The following MGAT5 variants were observed in gnomAD, a reference collection of about 807,000 sequenced individuals.
MGAT5 encodes the protein alpha-1,6-mannosylglycoprotein 6-beta-N-acetylglucosaminyltransferase.
A neutral mutation model predicts 94.3 loss-of-function variants in MGAT5; 30 were observed. The ratio of observed to expected loss-of-function variants is 0.32; its 90% CI spans 0.24 to 0.43. The LOEUF (loss-of-function observed/expected upper bound fraction) is 0.43, where lower values mean the gene tolerates loss of function less well. Ranked by LOEUF, MGAT5 falls within the 20% of genes least tolerant of loss-of-function variation. The pLI is 1.00. For missense variants in MGAT5, 691 were observed against 905.5 expected (o/e 0.76, Z 3.04); for synonymous variants, 310 against 322.9 (o/e 0.96, Z 0.43).
intron 1 of MGAT5, among the ~76,000 whole-genome samples, chr2:134,203,282 T>G (rs1398835261): frequency 6.6e-6 from 1 of 152,144 alleles, no homozygotes; most frequent in African/African-American, 2.4e-5. Context: ...CAATGCAGAT[T>G]TTAGTCCCAT....
intron 14 of MGAT5, among the ~76,000 whole-genome samples, chr2:134,430,679 A>G (rs554189141): frequency 6.1e-4 from 92 of 150,130 alleles, no homozygotes; most frequent in African/African-American, 2.1e-3. Flanking sequence ...CCCCCACCAT[A>G]TAGGCCTTTC....
chr2:134,361,240 C>T (rs1015862823), intron 9 of MGAT5, among the ~76,000 whole-genome samples: 1 of 152,188 alleles, frequency 6.6e-6, no homozygotes, highest in South Asian at 2.1e-4. Flanking sequence ...GTGGACTTTT[C>T]AGAATCTTGT....
chr2:134,296,730 GA>G (rs918558003), intron 2 of MGAT5, among the ~76,000 whole-genome samples: 8 of 151,044 alleles, frequency 5.3e-5, no homozygotes, highest in East Asian at 3.9e-4. Context: ...ATTTGATTAG[GA>G]AAAAAAATAT....
intron 1 of MGAT5, among the ~76,000 whole-genome samples, chr2:134,151,705 CCCAT>C (rs1687191750): frequency 1.4e-5 from 2 of 140,444 alleles, no homozygotes; most frequent in African/African-American, 2.8e-5. Context: ...ACCTCACTCA[CCCAT>C]GCCCTGTGGG....
chr2:134,404,881 A>G (rs990445797), intron 11 of MGAT5, among the ~76,000 whole-genome samples: 3 of 152,174 alleles, frequency 2.0e-5, no homozygotes, highest in African/African-American at 4.8e-5. Context: ...TTAGGCTGAC[A>G]TTTCAGAATC....
chr2:134,417,165 A>G (rs1404450493), intron 12 of MGAT5, among the ~76,000 whole-genome samples: 3 of 152,040 alleles, frequency 2.0e-5, no homozygotes, highest in Non-Finnish European at 4.4e-5. Context: ...ACTTGCTAGA[A>G]TTTACTTTTT....
intron 1 of MGAT5, among the ~76,000 whole-genome samples, chr2:134,213,279 T>C (rs945405439): frequency 6.6e-6 from 1 of 152,166 alleles, no homozygotes; most frequent in Non-Finnish European, 1.5e-5. Context: ...TGGACTGGCT[T>C]TGCAAACGTA....
intron 4 of MGAT5, among the ~76,000 whole-genome samples, chr2:134,333,635 G>T (rs1321551509): frequency 6.6e-6 from 1 of 151,996 alleles, no homozygotes; most frequent in Non-Finnish European, 1.5e-5. Flanking sequence ...TTGGGGTCCA[G>T]CTTTATTGGT....
chr2:134,130,659 C>T (rs1010312249), intron 1 of MGAT5, among the ~76,000 whole-genome samples: 1 of 143,550 alleles, frequency 7.0e-6, no homozygotes, highest in African/African-American at 2.5e-5. Context: ...CCAATCAGCA[C>T]TCTGTGTCTA....
At chr2:134,226,888 A>G (rs1483733585) in intron 1 of MGAT5, among the ~76,000 whole-genome samples, 1 of 152,076 alleles carries the variant, frequency 6.6e-6, no homozygotes, top group Non-Finnish European at 1.5e-5. Context: ...TCTGTGGCAA[A>G]TTGGAAAGCC....
chr2:134,365,514 A>C (rs1167242688), intron 10 of MGAT5, among the ~76,000 whole-genome samples: 2 of 152,204 alleles, frequency 1.3e-5, no homozygotes, highest in African/African-American at 4.8e-5. Flanking sequence ...GGCGAGGCGG[A>C]AGCCTTCCAG....
intron 1 of MGAT5, among the ~76,000 whole-genome samples, chr2:134,229,465 A>G (rs558253155): frequency 6.6e-6 from 1 of 152,226 alleles, no homozygotes; most frequent in East Asian, 1.9e-4. Context: ...GTATTAATTA[A>G]TCAGCTAAAT....
At chr2:134,173,731 T>A (rs1688330835) in intron 1 of MGAT5, among the ~76,000 whole-genome samples, 1 of 152,216 alleles carries the variant, frequency 6.6e-6, no homozygotes, top group South Asian at 2.1e-4. Context: ...CGGCTTGGGC[T>A]GTTGTCAACC....
At chr2:134,237,330 C>T (rs945853873) in intron 1 of MGAT5, among the ~76,000 whole-genome samples, 4 of 152,186 alleles carry the variant, frequency 2.6e-5, no homozygotes, top group South Asian at 2.1e-4. Context: ...AGGCAAGACA[C>T]CTCCTAGCAG....
chr2:134,283,283 TG>T (rs1684812139), intron 2 of MGAT5, among the ~76,000 whole-genome samples: 1 of 137,922 alleles, frequency 7.3e-6, no homozygotes, highest in Admixed American at 7.2e-5. Context: ...AAAGTGTCTG[TG>T]GAGGGAGGGC....
At chr2:134,157,825 GTACGTGGACAACCAGA>G (rs1423754452) in intron 1 of MGAT5, among the ~76,000 whole-genome samples, 3 of 152,084 alleles carry the variant, frequency 2.0e-5, no homozygotes, top group Non-Finnish European at 4.4e-5. Context: ...ATCCTGCCAG[GTACGTGGACAACCAGA>G]GGGTGAGCAA....
chr2:134,370,579 G>A (rs552806945), intron 10 of MGAT5, among the ~76,000 whole-genome samples: 26 of 152,398 alleles, frequency 1.7e-4, no homozygotes, highest in African/African-American at 5.8e-4. Flanking sequence ...TGGAGATGGC[G>A]CTTGCCAGAG....
intron 1 of MGAT5, among the ~76,000 whole-genome samples, chr2:134,270,155 T>A (rs1683941324): frequency 6.6e-6 from 1 of 152,232 alleles, no homozygotes; most frequent in Admixed American, 6.5e-5. Context: ...TGGAAATAGT[T>A]ATACCATGTT....
In MGAT5 at chr2:134,449,076, C is replaced by T. The variant is rs1685957635; in HGVS notation, c.*229C>T. On this transcript the variant is annotated 3_prime_UTR_variant, in exon 16 of 16. Coordinates refer to ENST00000281923, the MANE Select transcript of MGAT5 (RefSeq NM_002410.5). ...GGCCAGGAGCCTGGCTTGTCCCTGG[C>T]ACAACATCATTTCTGTTTCTCAAGG... The T allele has an allele frequency of 3.6e-6, 2 of 563,082 alleles. No individual in the cohort carries two copies. Among genetic ancestry groups the T allele is most frequent in the South Asian group, 4.3e-5 (2 of 46,846 alleles). 34.9% of individuals were successfully genotyped at this position (563,082 alleles called of 1,614,324 possible).
Sources: gnomAD v4.1 joint callset for allele counts (sites outside exome capture counted in the v4.1 genomes callset) on GRCh38, gnomAD v4.1.1 for gene constraint, MANE v1.5 for transcripts, NCBI Gene and HGNC (gene_info 2026-07-23, HGNC 2026-07-21) for gene names.